The following TMEM150C variants were observed in gnomAD, a reference collection of about 807,000 sequenced individuals.
TMEM150C encodes the protein transmembrane protein 150C, also known as tentonin 3.
Under a neutral mutation model 29.9 loss-of-function variants are expected in TMEM150C, and 10 were observed. That is an observed-to-expected ratio of 0.33 (90% confidence interval 0.21 to 0.57). TMEM150C has a LOEUF of 0.57. Ranked by LOEUF, TMEM150C falls within the 20% of genes least tolerant of loss-of-function variation. The probability of loss-of-function intolerance (pLI) is 0.88; values close to 1 mark genes in which losing one functional copy is unlikely to be tolerated. For synonymous variants in TMEM150C, 101 were observed against 112.5 expected, an observed-to-expected ratio of 0.90 and a Z score of 0.64; for missense variants, 251 against 303.6, an observed-to-expected ratio of 0.83 and a Z score of 1.29.
chr4:82,514,462 C>G (rs1019422466), intron 1 of TMEM150C, among the ~76,000 whole-genome samples: 1 of 152,158 alleles, frequency 6.6e-6, no homozygotes, highest in African/African-American at 2.4e-5. Flanking sequence ...TCATACGTTA[C>G]CCAGCGACCA....
At chr4:82,542,200 G>C (rs1163067652) in intron 1 of TMEM150C, among the ~76,000 whole-genome samples, 1 of 152,146 alleles carries the variant, frequency 6.6e-6, no homozygotes, top group Non-Finnish European at 1.5e-5. Flanking sequence ...TCAATATTTA[G>C]GAAAAGGTAA....
intron 1 of TMEM150C, among the ~76,000 whole-genome samples, chr4:82,551,370 C>T (rs1165699439): frequency 6.6e-6 from 1 of 152,180 alleles, no homozygotes; most frequent in Non-Finnish European, 1.5e-5. Context: ...TTGTTCAGTG[C>T]TCTATCACCA....
chr4:82,511,719 G>A (rs374333829), intron 1 of TMEM150C, among the ~76,000 whole-genome samples: 3 of 151,810 alleles, frequency 2.0e-5, no homozygotes, highest in South Asian at 2.1e-4. Context: ...CACCTGCCTC[G>A]GACTCTCAAA....
intron 1 of TMEM150C, among the ~76,000 whole-genome samples, chr4:82,522,521 C>T (rs771883347): frequency 3.9e-5 from 6 of 152,070 alleles, no homozygotes; most frequent in Non-Finnish European, 7.3e-5. Context: ...TTTGTACTTC[C>T]CTGAGAGGCA....
chr4:82,483,722 A>G lies in TMEM150C; in HGVS notation c.*1789T>C, dbSNP rs911122116. On this transcript the variant is annotated 3_prime_UTR_variant, in exon 8 of 8. Transcript: ENST00000449862. Reference sequence around the variant, plus strand: ...TGTTAAGAGGTGGGGAACAATACAGAGATGAAAAGACATTGACCTTTTCCT... The same window carrying G: ...TGTTAAGAGGTGGGGAACAATACAGGGATGAAAAGACATTGACCTTTTCCT... 3 of 152,064 alleles carry G rather than the reference A, an allele frequency of 2.0e-5. No individual in the cohort carries two copies. The highest frequency in any genetic ancestry group is 4.4e-5 in the Non-Finnish European group (3 of 68,016). The allele number at this position is 152,064 out of a possible 1,614,324, so 9.4% of individuals were successfully genotyped here. A position where few individuals can be genotyped will look rare whatever the true frequency, so the allele number is the denominator to read the frequency against.
At chr4:82,520,082 TAGAC>T (rs1724435545) in intron 1 of TMEM150C, among the ~76,000 whole-genome samples, 1 of 152,230 alleles carries the variant, frequency 6.6e-6, no homozygotes, top group South Asian at 2.1e-4. Flanking sequence ...ACTGAGGGCT[TAGAC>T]AGTGGACCTG....
At chr4:82,558,308 G>T (rs1264323319) in intron 1 of TMEM150C, among the ~76,000 whole-genome samples, 4 of 152,136 alleles carry the variant, frequency 2.6e-5, no homozygotes, top group African/African-American at 9.7e-5. Flanking sequence ...GCCACATGTG[G>T]CTCATGGTTA....
chr4:82,555,957 G>A (rs930010370), intron 1 of TMEM150C, among the ~76,000 whole-genome samples: 1 of 152,036 alleles, frequency 6.6e-6, no homozygotes, highest in Non-Finnish European at 1.5e-5. Context: ...ATCATGAACC[G>A]GTATACACAT....
Position 82,485,434 on chromosome 4 carries a change from T to C in TMEM150C, c.*77A>G, listed in dbSNP as rs1203408951. On this transcript the variant is annotated 3_prime_UTR_variant, in exon 8 of 8. Transcript: ENST00000449862. ...TGTGTGTGTGAAATGAGGTTCTATG[T>C]CAAGTCCTGTGAGTGTGTCCTACTG... 7 of 1,117,104 alleles carry C rather than the reference T, an allele frequency of 6.3e-6. No homozygotes were observed. In the African/African-American group the frequency reaches 9.3e-5, roughly 15 times the overall value. 69.2% of individuals were successfully genotyped at this position (1,117,104 alleles called of 1,614,324 possible).
At chr4:82,491,064 T>C (rs1027203424) in intron 6 of TMEM150C, 3 of 721,850 alleles carry the variant, frequency 4.2e-6, no homozygotes, top group Non-Finnish European at 7.6e-6. Context: ...CAGTCTTGCC[T>C]TCCTCTTGAT....
intron 1 of TMEM150C, among the ~76,000 whole-genome samples, chr4:82,549,603 A>G (rs1000328805): frequency 1.3e-5 from 2 of 152,210 alleles, no homozygotes; most frequent in Admixed American, 6.5e-5. Flanking sequence ...AAGGTGGTCA[A>G]TTCCATTATG....
chr4:82,487,568 T>G (rs1723203829), intron 7 of TMEM150C, among the ~76,000 whole-genome samples: 1 of 152,226 alleles, frequency 6.6e-6, no homozygotes, highest in African/African-American at 2.4e-5. Flanking sequence ...GCATATCTCC[T>G]TTTATCTTAT....
chr4:82,519,733 T>A (rs1724423229), intron 1 of TMEM150C, among the ~76,000 whole-genome samples: 1 of 152,202 alleles, frequency 6.6e-6, no homozygotes, highest in Non-Finnish European at 1.5e-5. Flanking sequence ...GGCCACGATG[T>A]TTTTTCTATA....
intron 6 of TMEM150C, among the ~76,000 whole-genome samples, chr4:82,494,580 C>T (rs1002722014): frequency 4.6e-5 from 7 of 151,572 alleles, no homozygotes; most frequent in East Asian, 1.9e-4. Context: ...CAATTTGTTA[C>T]GAAAAAAAAG....
intron 1 of TMEM150C, among the ~76,000 whole-genome samples, chr4:82,521,278 G>A (rs1724475612): frequency 6.6e-6 from 1 of 152,166 alleles, no homozygotes; most frequent in Non-Finnish European, 1.5e-5. Flanking sequence ...CACGAGGGTA[G>A]GGATTTTTAC....
In TMEM150C at chr4:82,496,640, C is replaced by T. The variant is rs184780455; in HGVS notation, c.236-445G>A. Among the ~76,000 whole-genome samples, 882 of 152,216 alleles carry T rather than the reference C, an allele frequency of 5.8e-3. 8 individuals are homozygous for T. Among genetic ancestry groups the T allele is most frequent in the Admixed American group, 8.9e-3 (136 of 15,286 alleles). ...CAAATAAGATGGGATAAAGACAGAC[C>T]GACTCAGGCATCCTTTAGCTTAGAA... is the stretch of plus-strand genomic sequence containing the variant. On this transcript the variant is annotated intron_variant, in intron 5 of 7. Coordinates refer to ENST00000449862, the MANE Select transcript of TMEM150C (RefSeq NM_001080506.3).
intron 6 of TMEM150C, among the ~76,000 whole-genome samples, chr4:82,492,810 ACAAC>A (rs1560480042): frequency 9.4e-6 from 1 of 106,026 alleles, no homozygotes; most frequent in African/African-American, 3.7e-5. Flanking sequence ...AAAAAAAAAA[ACAAC>A]AAAGTCTATC....
At chr4:82,497,514 G>C (rs1723595736) in intron 5 of TMEM150C, among the ~76,000 whole-genome samples, 1 of 152,050 alleles carries the variant, frequency 6.6e-6, no homozygotes. Context: ...TTGATAAGTT[G>C]ACTTTTAGTT....
chr4:82,511,220 A>G (rs1023495760), intron 1 of TMEM150C, among the ~76,000 whole-genome samples: 1 of 152,232 alleles, frequency 6.6e-6, no homozygotes, highest in Non-Finnish European at 1.5e-5. Flanking sequence ...CTGTTCCTAC[A>G]ACATTTTTCA....
Sources: allele counts gnomAD v4.1 joint callset (sites outside exome capture counted in the v4.1 genomes callset), GRCh38; gene constraint gnomAD v4.1.1; transcripts MANE v1.5; gene names NCBI Gene and HGNC (gene_info 2026-07-23, HGNC 2026-07-21).